The following RFT1 variants were observed in gnomAD, a reference collection of about 807,000 sequenced individuals.
RFT1 encodes the protein RFT1 glycolipid translocator homolog, also known as man(5)GlcNAc(2)-PP-dolichol translocation protein RFT1.
In RFT1, 43 loss-of-function variants were observed where a neutral mutation model predicts 62.2. The ratio of observed to expected loss-of-function variants is 0.69; its 90% confidence interval spans 0.54 to 0.89. The LOEUF is 0.89. Ranked by LOEUF, RFT1 falls within the 40% of genes least tolerant of loss-of-function variation. The pLI, the probability that RFT1 is intolerant of heterozygous loss-of-function variation, is 0.00. For synonymous variants in RFT1, 262 were observed against 264.6 expected, an observed-to-expected ratio of 0.99 and a Z score of 0.10; for missense variants, 605 against 649.9, an observed-to-expected ratio of 0.93 and a Z score of 0.75.
intron 8 of RFT1, among the ~76,000 whole-genome samples, chr3:53,106,150 C>T (rs1174303681): frequency 1.3e-5 from 2 of 151,798 alleles, no homozygotes; most frequent in East Asian, 3.9e-4. Flanking sequence ...GGAGGATCAC[C>T]CAAGCCCAGG....
At chr3:53,121,007 G>C (rs371115296) in intron 5 of RFT1, among the ~76,000 whole-genome samples, 2 of 152,286 alleles carry the variant, frequency 1.3e-5, no homozygotes, top group African/African-American at 2.4e-5. Flanking sequence ...TCATTACTAA[G>C]AATCTTAATT....
chr3:53,087,034 T>A (rs564219750), downstream of RFT1, among the ~76,000 whole-genome samples: 1 of 152,254 alleles, frequency 6.6e-6, no homozygotes, highest in South Asian at 2.1e-4. Context: ...GGTCAGGAGT[T>A]CCAGACCAGC....
At chr3:53,080,298 T>C in the RFT1 span, among the ~76,000 whole-genome samples, 1 of 152,192 alleles carries the variant, frequency 6.6e-6, no homozygotes, top group Admixed American at 6.5e-5. Flanking sequence ...ATGGCGTTTC[T>C]TCCCCGGGCC....
At chr3:53,093,763 G>C (rs1380463530) in intron 11 of RFT1, among the ~76,000 whole-genome samples, 1 of 152,144 alleles carries the variant, frequency 6.6e-6, no homozygotes, top group Non-Finnish European at 1.5e-5. Flanking sequence ...GCACACACCT[G>C]CAGTCCTAGC....
chr3:53,119,995 G>C lies in RFT1; in HGVS notation c.585C>G (p.Leu195=), dbSNP rs746426392. Residue 195 remains leucine (L), a synonymous_variant, in exon 6 of 13, where the codon CTC becomes CTG. Coordinates refer to ENST00000296292, the MANE Select transcript of RFT1 (RefSeq NM_052859.4). ...AQLFYTTVLV[L]CYVIYFTKLL... ...ACTTTGTGAAATAAATAACATAGCA[G>C]AGCACCAGAACTGTGGTATAGAAAA... The C allele has an allele frequency of 6.2e-7, 1 of 1,607,394 alleles. No homozygotes were observed. The highest frequency in any genetic ancestry group is 1.1e-5 in the South Asian group (1 of 89,442).
chr3:53,067,670 T>C, the RFT1 span, among the ~76,000 whole-genome samples: 1 of 152,176 alleles, frequency 6.6e-6, no homozygotes, highest in Non-Finnish European at 1.5e-5. Flanking sequence ...AGAATAAGCC[T>C]CCAGGGTATG....
downstream of RFT1, among the ~76,000 whole-genome samples, chr3:53,087,828 G>T (rs1197521333): frequency 2.6e-5 from 4 of 152,212 alleles, no homozygotes; most frequent in Admixed American, 1.3e-4. Context: ...GCCCGGCAAA[G>T]AATTCTTTTT....
the RFT1 span, among the ~76,000 whole-genome samples, chr3:53,076,022 G>A: frequency 6.6e-6 from 1 of 152,182 alleles, no homozygotes; most frequent in Non-Finnish European, 1.5e-5. Context: ...ATCAGCATGG[G>A]GCATCTTACC....
At chr3:53,070,393 G>GGTTTTTTTTTTTTTTTTTTTTTT in the RFT1 span, among the ~76,000 whole-genome samples, 4 of 85,448 alleles carry the variant, frequency 4.7e-5, 1 homozygote, top group Non-Finnish European at 2.3e-5. Flanking sequence ...CTGTATTATG[G>GGTTTTTTTTTTTTTTTTTTTTTT]TTTTTTTTTT....
At chr3:53,119,790 A>T (rs937520777) in intron 6 of RFT1, 94 bp downstream of exon 6, 1 of 1,179,900 alleles carries the variant, frequency 8.5e-7, no homozygotes, top group Non-Finnish European at 1.2e-6. Context: ...AATTCTATTT[A>T]TGATTATAAC....
chr3:53,096,287 A>C (rs1701135735), intron 11 of RFT1, among the ~76,000 whole-genome samples: 1 of 152,212 alleles, frequency 6.6e-6, no homozygotes, highest in South Asian at 2.1e-4. Flanking sequence ...TGCGAAATGA[A>C]AGAAAATTAG....
chr3:53,122,746 T>A, intron 3 of RFT1, among the ~76,000 whole-genome samples, 183 bp from the exon 4 acceptor site: 1 of 152,078 alleles, frequency 6.6e-6, no homozygotes, highest in East Asian at 1.9e-4. Flanking sequence ...CTCACAATGA[T>A]CCTCTGTCAT....
chr3:53,127,690 TTGG>T (rs1702146054), intron 1 of RFT1, among the ~76,000 whole-genome samples: 1 of 151,360 alleles, frequency 6.6e-6, no homozygotes, highest in Admixed American at 6.6e-5. Flanking sequence ...TCCCAACACT[TTGG>T]GAGGCTGAAA....
At chr3:53,127,933 A>G (rs1207024674) in intron 1 of RFT1, among the ~76,000 whole-genome samples, 2 of 152,216 alleles carry the variant, frequency 1.3e-5, no homozygotes, top group Non-Finnish European at 2.9e-5. Flanking sequence ...AGCTACCTGA[A>G]GTGTCTACAG....
chr3:53,130,327 G>A lies in RFT1; in HGVS notation c.63+11C>T. 6.4e-7 allele frequency: 1 copy of A among 1,565,020 alleles called. No homozygotes were observed. The highest frequency in any genetic ancestry group is 8.7e-7 in the Non-Finnish European group (1 of 1,154,994). On this transcript the variant is annotated intron_variant, in intron 1 of 12. Transcript: ENST00000296292. ...TGCAGTACAAGCTGGAACCTGAAGGGCAGAGAGTACCTGCAGGAGGAGACC... is the reference window on the plus strand; with the variant it reads ...TGCAGTACAAGCTGGAACCTGAAGGACAGAGAGTACCTGCAGGAGGAGACC...
chr3:53,076,177 G>A, the RFT1 span, among the ~76,000 whole-genome samples: 2 of 152,238 alleles, frequency 1.3e-5, no homozygotes, highest in African/African-American at 4.8e-5. Context: ...GCAGCATCCT[G>A]GGCAGGCGGT....
At chr3:53,098,252 T>C (rs1701198429) in intron 11 of RFT1, among the ~76,000 whole-genome samples, 2 of 152,256 alleles carry the variant, frequency 1.3e-5, no homozygotes, top group Non-Finnish European at 2.9e-5. Context: ...AAGATTCTAA[T>C]TCAGCTTGGC....
At chr3:53,109,038 G>A (rs1271601502) in intron 7 of RFT1, among the ~76,000 whole-genome samples, 3 of 152,012 alleles carry the variant, frequency 2.0e-5, no homozygotes, top group Admixed American at 2.0e-4. Flanking sequence ...TTTATACACT[G>A]ACCCCAAGCT....
At chr3:53,104,125 T>C (rs773120771) in intron 9 of RFT1, 28 bp from the exon 10 acceptor site, 5 of 1,613,540 alleles carry the variant, frequency 3.1e-6, no homozygotes, top group Non-Finnish European at 4.2e-6. Flanking sequence ...GGAAGGAAGT[T>C]GGATGAATCA....
Sources: gnomAD v4.1 joint callset for allele counts (sites outside exome capture counted in the v4.1 genomes callset) on GRCh38, gnomAD v4.1.1 for gene constraint, MANE v1.5 for transcripts, NCBI Gene and HGNC (gene_info 2026-07-23, HGNC 2026-07-21) for gene names.